Variants in ERG observed in about 807,000 individuals in gnomAD.
ERG encodes the protein transcriptional regulator ERG.
ERG carries 9 observed loss-of-function variants against 55.3 expected under a neutral mutation model. The observed-to-expected ratio is 0.16, with a 90% CI of 0.10 to 0.28. The LOEUF (loss-of-function observed/expected upper bound fraction) is 0.28. Ranked by LOEUF, ERG falls within the 10% of genes least tolerant of loss-of-function variation. ERG has a pLI of 1.00. For missense variants in ERG, 434 were observed against 631.6 expected (o/e 0.69, Z 3.35); for synonymous variants, 223 against 237.3 (o/e 0.94, Z 0.55).
intron 2 of ERG, among the ~76,000 whole-genome samples, chr21:38,435,427 G>A (rs1164655286): frequency 6.6e-6 from 1 of 152,162 alleles, no homozygotes; most frequent in Non-Finnish European, 1.5e-5. Context: ...CTGGAGCAGC[G>A]GGTGGAGCTC....
In ERG at chr21:38,553,838, A is replaced by G. The variant is rs1197200842; in HGVS notation, c.-41+21824T>C. Among the ~76,000 whole-genome samples, 4 of 152,198 alleles carry G rather than the reference A, an allele frequency of 2.6e-5. No individual in the cohort carries two copies. In the East Asian group the frequency reaches 7.7e-4, roughly 29 times the overall value. ...AACAGAAATTGACAAATGGGACCTAATTAAACTAAAGAGCTTCTGCACAGC... is the reference window on the plus strand; with the variant it reads ...AACAGAAATTGACAAATGGGACCTAGTTAAACTAAAGAGCTTCTGCACAGC... On this transcript the variant is annotated intron_variant, in intron 2 of 8. Transcript: ENST00000398897.
chr21:38,515,999 A>G (rs1346626315), intron 2 of ERG, among the ~76,000 whole-genome samples: 4 of 152,048 alleles, frequency 2.6e-5, no homozygotes, highest in African/African-American at 9.7e-5. Flanking sequence ...ATTAAAGTCC[A>G]TACATGATTA....
intron 1 of ERG, among the ~76,000 whole-genome samples, chr21:38,583,825 C>T (rs1191046281): frequency 1.3e-5 from 2 of 152,168 alleles, no homozygotes; most frequent in East Asian, 3.9e-4. Context: ...AACAGATTTT[C>T]CTCAAAGCCC....
intron 1 of ERG, among the ~76,000 whole-genome samples, chr21:38,446,896 C>T (rs1405026906): frequency 1.3e-5 from 2 of 152,094 alleles, no homozygotes; most frequent in Admixed American, 1.3e-4. Flanking sequence ...CTTCTCCTTG[C>T]CCCCACAGCC....
intron 1 of ERG, among the ~76,000 whole-genome samples, chr21:38,619,124 C>G (rs2060275390): frequency 6.6e-6 from 1 of 152,150 alleles, no homozygotes; most frequent in South Asian, 2.1e-4. Context: ...AAGATGGTGT[C>G]AATGACACAC....
chr21:38,387,546 G>T (rs151141572), intron 9 of ERG, among the ~76,000 whole-genome samples: 1 of 152,188 alleles, frequency 6.6e-6, no homozygotes, highest in African/African-American at 2.4e-5. Context: ...TAAAGTGGGG[G>T]TGATGGTAAT....
At chr21:38,626,944 GT>G (rs1328785236) in intron 1 of ERG, among the ~76,000 whole-genome samples, 1 of 151,808 alleles carries the variant, frequency 6.6e-6, no homozygotes, top group Non-Finnish European at 1.5e-5. Flanking sequence ...AATTTTTATA[GT>G]TTATGTAGCC....
intron 3 of ERG, among the ~76,000 whole-genome samples, chr21:38,419,765 T>G (rs936153431): frequency 6.7e-6 from 1 of 149,968 alleles, no homozygotes; most frequent in African/African-American, 2.4e-5. Context: ...GGCTTTTTTT[T>G]GACACTTTTT....
intron 1 of ERG, among the ~76,000 whole-genome samples, chr21:38,490,429 A>G (rs1405772178): frequency 6.6e-6 from 1 of 152,210 alleles, no homozygotes; most frequent in Non-Finnish European, 1.5e-5. Flanking sequence ...AACCCTGTGA[A>G]GTAGGAACTA....
At chr21:38,375,960 A>G (rs1987231273), downstream of ERG, among the ~76,000 whole-genome samples, 2 of 152,154 alleles carry the variant, frequency 1.3e-5, no homozygotes, top group Non-Finnish European at 1.5e-5. Flanking sequence ...TCCTGCCTTA[A>G]TTAACTTCCT....
intron 1 of ERG, among the ~76,000 whole-genome samples, chr21:38,616,682 G>A (rs1225855882): frequency 2.0e-5 from 3 of 152,142 alleles, no homozygotes; most frequent in Non-Finnish European, 4.4e-5. Context: ...CTGACCATAA[G>A]TCTGCTCAGA....
chr21:38,463,943 G>A (rs976438929), intron 1 of ERG, among the ~76,000 whole-genome samples: 1 of 152,132 alleles, frequency 6.6e-6, no homozygotes, highest in East Asian at 1.9e-4. Flanking sequence ...TGCTACTGGG[G>A]TCATGGGTTA....
chr21:38,518,803 A>G (rs1318165744), intron 2 of ERG, among the ~76,000 whole-genome samples: 1 of 152,154 alleles, frequency 6.6e-6, no homozygotes, highest in Non-Finnish European at 1.5e-5. Context: ...ATAAGAAAAA[A>G]ATTAGGAACT....
chr21:38,422,819 G>A (rs1989605373), intron 3 of ERG, among the ~76,000 whole-genome samples: 3 of 152,120 alleles, frequency 2.0e-5, no homozygotes, highest in South Asian at 2.1e-4. Flanking sequence ...AAGGGAACAC[G>A]TAAGACAGCC....
downstream of ERG, among the ~76,000 whole-genome samples, chr21:38,375,787 AG>A (rs1162329683): frequency 1.1e-4 from 16 of 152,280 alleles, no homozygotes; most frequent in African/African-American, 3.4e-4. Context: ...CAGGAGTCAC[AG>A]GGTCCTTTTA....
chr21:38,481,695 A>G (rs1455403439), intron 1 of ERG, among the ~76,000 whole-genome samples: 2 of 152,150 alleles, frequency 1.3e-5, no homozygotes, highest in African/African-American at 4.8e-5. Context: ...TGTTATTTAT[A>G]TAATAAGTAC....
At chr21:38,429,584 T>C (rs549262605) in intron 2 of ERG, among the ~76,000 whole-genome samples, 1 of 73,830 alleles carries the variant, frequency 1.4e-5, no homozygotes, top group African/African-American at 3.9e-5. Flanking sequence ...CATATATACA[T>C]ATGTGTATAT....
chr21:38,469,382 C>A (rs989446723), intron 1 of ERG, among the ~76,000 whole-genome samples: 1 of 152,150 alleles, frequency 6.6e-6, no homozygotes, highest in South Asian at 2.1e-4. Flanking sequence ...CTGAAAAATT[C>A]CCATCTGTTT....
chr21:38,396,683 G>A (rs955683270), intron 6 of ERG, among the ~76,000 whole-genome samples: 2 of 152,200 alleles, frequency 1.3e-5, no homozygotes, highest in Non-Finnish European at 2.9e-5. Flanking sequence ...TGCATGACCT[G>A]CTCCTAAGAG....
Sources: allele counts gnomAD v4.1 joint callset (sites outside exome capture counted in the v4.1 genomes callset), GRCh38; gene constraint gnomAD v4.1.1; transcripts MANE v1.5; gene names NCBI Gene and HGNC (gene_info 2026-07-23, HGNC 2026-07-21).